CGNL1: variants seen among roughly 807,000 people sequenced by gnomAD.
CGNL1 encodes cingulin like 1.
CGNL1 carries 132 observed loss-of-function variants against 141.2 expected under a neutral mutation model. That is an observed-to-expected ratio of 0.93 (90% CI 0.81 to 1.08). The LOEUF is 1.08. Ranked by LOEUF, CGNL1 falls within the 50% of genes least tolerant of loss-of-function variation. The pLI, the probability that CGNL1 is intolerant of heterozygous loss-of-function variation, is 0.00. For synonymous variants in CGNL1, 690 were observed against 622.1 expected, an observed-to-expected ratio of 1.11 and a Z score of -1.63; for missense variants, 1,870 against 1,588.6, an observed-to-expected ratio of 1.18 and a Z score of -3.01.
chr15:57,511,171 A>G (rs1410024619), intron 8 of CGNL1, among the ~76,000 whole-genome samples: 1 of 152,240 alleles, frequency 6.6e-6, no homozygotes, highest in Admixed American at 6.5e-5. Context: ...TGTTTTCCAC[A>G]TAGCCCCAGT....
At chr15:57,496,380 G>A (rs1268124838) in intron 8 of CGNL1, among the ~76,000 whole-genome samples, 2 of 152,114 alleles carry the variant, frequency 1.3e-5, no homozygotes, top group Middle Eastern at 3.2e-3. Flanking sequence ...GACCTGTTAG[G>A]GACCAGGAAC....
intron 8 of CGNL1, among the ~76,000 whole-genome samples, chr15:57,463,266 T>C (rs2063468694): frequency 6.6e-6 from 1 of 152,172 alleles, no homozygotes; most frequent in African/African-American, 2.4e-5. Context: ...GGTTCTCTAC[T>C]GTCAGAGATA....
chr15:57,442,461 G>C lies in CGNL1; in HGVS notation c.1786G>C (p.Ala596Pro). The change falls in exon 4 of 19, where the codon GCC (alanine) becomes CCC (proline). Residue 596 changes from alanine (A) to proline (P), a missense_variant. Physicochemically the swap from Ala to Pro is conservative, Grantham distance 27 (BLOSUM62 -1). Transcript: ENST00000281282. The stretch of plus-strand genomic sequence containing the variant: ...CTTAAAGTCTCGAGCAGCTGGGAGC[G>C]CCCAAGGAAATAACCAAGTAAATGG... ...QTLKSRAAGSAQGNNQACNST... is the reference protein window; with the variant it reads ...QTLKSRAAGSPQGNNQACNST... 1 of 1,610,236 alleles carries C rather than the reference G, an allele frequency of 6.2e-7. No homozygotes were observed. Among genetic ancestry groups the C allele is most frequent in the Non-Finnish European group, 8.5e-7 (1 of 1,176,792 alleles).
intron 14 of CGNL1, among the ~76,000 whole-genome samples, chr15:57,536,463 C>T (rs1055240719): frequency 3.9e-5 from 6 of 152,126 alleles, no homozygotes; most frequent in African/African-American, 1.4e-4. Flanking sequence ...TCAAGTCTGA[C>T]TGCTATGAAG....
Position 57,516,918 on chromosome 15 carries a change from C to T in CGNL1, c.2542C>T (p.Leu848Phe), listed in dbSNP as rs139813604. Reference sequence around the variant, plus strand: ...AGAGCTGGAGCGGAGAGTTGCTCAGCTTCAAAGGCAGATCGAGGACCTGAA... The same window carrying T: ...AGAGCTGGAGCGGAGAGTTGCTCAGTTTCAAAGGCAGATCGAGGACCTGAA... ...SEELERRVAQ[L>F]QRQIEDLKGD... The change falls in exon 9 of 19, where the codon CTT becomes TTT. Residue 848 changes from leucine (L) to phenylalanine (F), a missense_variant. Physicochemically the swap from Leu to Phe is conservative, Grantham distance 22. Transcript: ENST00000281282. 4.4e-3 allele frequency: 7,064 copies of T among 1,613,580 alleles called. 18 individuals carry two copies. Among genetic ancestry groups the T allele is most frequent in the Non-Finnish European group, 5.5e-3 (6,493 of 1,180,020 alleles).
intron 8 of CGNL1, among the ~76,000 whole-genome samples, chr15:57,472,460 G>T (rs146101328): frequency 6.6e-6 from 1 of 152,168 alleles, no homozygotes; most frequent in East Asian, 1.9e-4. Flanking sequence ...GTGTTTTTGT[G>T]GGGGAGTGTG....
At position 57,449,843 on chromosome 15, in the gene CGNL1, C is replaced by T. The variant is rs1420247353; in HGVS notation, c.1804-1657C>T. Among the ~76,000 whole-genome samples, 2 of 152,126 alleles carry T rather than the reference C, an allele frequency of 1.3e-5. 1 individual carries two copies. The highest frequency in any genetic ancestry group is 2.9e-5 in the Non-Finnish European group (2 of 68,030). On this transcript the variant is annotated intron_variant, in intron 4 of 18. Coordinates refer to ENST00000281282, the MANE Select transcript of CGNL1 (RefSeq NM_032866.5). Reference sequence around the variant, plus strand: ...ATCACCTTTTCAGTTTGGCTCATTTCCCTTAGTAGTGTGCATTTTTTCCCA... The same window carrying T: ...ATCACCTTTTCAGTTTGGCTCATTTTCCTTAGTAGTGTGCATTTTTTCCCA...
chr15:57,529,271 T>C (rs1311559749), intron 13 of CGNL1, among the ~76,000 whole-genome samples: 2 of 152,176 alleles, frequency 1.3e-5, no homozygotes, highest in African/African-American at 4.8e-5. Context: ...CATTTTCCCT[T>C]AGAGGTTATT....
At chr15:57,457,284 C>T (rs765247420) in intron 7 of CGNL1, among the ~76,000 whole-genome samples, 5 of 152,100 alleles carry the variant, frequency 3.3e-5, no homozygotes, top group South Asian at 2.1e-4. Flanking sequence ...AATACATTGC[C>T]GTTCTCGACA....
At chr15:57,468,566 G>A (rs1284863082) in intron 8 of CGNL1, among the ~76,000 whole-genome samples, 2 of 119,360 alleles carry the variant, frequency 1.7e-5, no homozygotes, top group African/African-American at 5.2e-5. Flanking sequence ...TTGCGTGTGT[G>A]TGTGTGTGTG....
At chr15:57,423,096 C>T (rs1803926053) in intron 1 of CGNL1, among the ~76,000 whole-genome samples, 1 of 152,036 alleles carries the variant, frequency 6.6e-6, no homozygotes, top group Non-Finnish European at 1.5e-5. Flanking sequence ...AATGTTTTTG[C>T]CGGCATTCCC....
intron 18 of CGNL1, 132 bp downstream of exon 18, chr15:57,546,371 T>C: frequency 8.9e-7 from 1 of 1,128,786 alleles, no homozygotes; most frequent in Non-Finnish European, 1.2e-6. Flanking sequence ...TATCGTATCT[T>C]AGAGATGAAG....
At chr15:57,424,492 G>C (rs1378970346) in intron 1 of CGNL1, among the ~76,000 whole-genome samples, 2 of 152,322 alleles carry the variant, frequency 1.3e-5, no homozygotes, top group African/African-American at 2.4e-5. Context: ...GACTAGCATA[G>C]TAATAGGATC....
intron 8 of CGNL1, among the ~76,000 whole-genome samples, chr15:57,499,729 A>G (rs140715791): frequency 3.3e-5 from 5 of 152,292 alleles, no homozygotes; most frequent in South Asian, 2.1e-4. Flanking sequence ...GCATTACATA[A>G]TTGATTCTTT....
rs1444195496 is a variant in CGNL1, at chr15:57,524,631, C to A, written c.2919C>A (p.Asn973Lys). 4 of 1,613,998 alleles carry A rather than the reference C, an allele frequency of 2.5e-6. No individual in the cohort carries two copies. The South Asian group carries it at 4.4e-5, about 18-fold the overall frequency. ...ASRTSTLELQ[N>K]QLDEYKEKNR... ...GTACCTCAACCCTGGAGCTCCAGAACCAGCTGGATGAGTATAAGGAGAAAA... is the reference window on the plus strand; with the variant it reads ...GTACCTCAACCCTGGAGCTCCAGAAACAGCTGGATGAGTATAAGGAGAAAA... Residue 973 changes from asparagine (N) to lysine (K), a missense_variant, in exon 12 of 19, where the codon AAC becomes AAA. By Grantham distance (94) the Asn-to-Lys change is moderately conservative. Transcript: ENST00000281282.
intron 1 of CGNL1, among the ~76,000 whole-genome samples, chr15:57,377,324 G>C (rs993787159): frequency 1.3e-4 from 20 of 152,168 alleles, no homozygotes; most frequent in African/African-American, 4.6e-4. Context: ...GCGGGCATTG[G>C]TTCTCAAACT....
rs1361704784 is a variant in CGNL1, at chr15:57,550,382, C to G, written c.*2892C>G. ...TCTTTAATTTTATTATATATACATA[C>G]TTTTCTTCTGTTTTTTGCTTTAAGA... is the stretch of plus-strand genomic sequence containing the variant. On this transcript the variant is annotated 3_prime_UTR_variant, in exon 19 of 19. Coordinates refer to ENST00000281282, the MANE Select transcript of CGNL1 (RefSeq NM_032866.5). 11 of 152,684 alleles carry G rather than the reference C, an allele frequency of 7.2e-5. No individual in the cohort carries two copies. In the South Asian group the frequency reaches 1.7e-3, roughly 23 times the overall value. 9.5% of individuals were successfully genotyped at this position (152,684 alleles called of 1,614,324 possible).
At chr15:57,394,746 G>C (rs2062584040) in intron 1 of CGNL1, among the ~76,000 whole-genome samples, 1 of 152,190 alleles carries the variant, frequency 6.6e-6, no homozygotes, top group South Asian at 2.1e-4. Context: ...GGCTGGAGAT[G>C]ATCTTATATG....
At chr15:57,515,965 T>C (rs2030743504) in intron 8 of CGNL1, among the ~76,000 whole-genome samples, 4 of 151,940 alleles carry the variant, frequency 2.6e-5, no homozygotes, top group Admixed American at 2.6e-4. Flanking sequence ...GAGACCATCC[T>C]GGCTAACATG....
Sources: allele counts gnomAD v4.1 joint callset (sites outside exome capture counted in the v4.1 genomes callset), GRCh38; gene constraint gnomAD v4.1.1; transcripts MANE v1.5; gene names NCBI Gene and HGNC (gene_info 2026-07-23, HGNC 2026-07-21).